ZNF354B: variants seen among roughly 807,000 people sequenced by gnomAD.
ZNF354B encodes zinc finger protein 354B.
In ZNF354B, 10 loss-of-function variants were observed where a neutral mutation model predicts 12.9. That is an observed-to-expected ratio of 0.77 (90% confidence interval 0.48 to 1.31). The LOEUF is 1.31. Among genes scored for constraint, ZNF354B ranks in the 40% most tolerant of loss-of-function variants. The probability of loss-of-function intolerance (pLI) is 0.00; values close to 1 mark genes in which losing one functional copy is unlikely to be tolerated. For missense variants in ZNF354B, 614 were observed against 711.7 expected (o/e 0.86, Z 1.56); for synonymous variants, 260 against 243.7 (o/e 1.07, Z -0.62).
chr5:178,866,999 G>A lies in ZNF354B; in HGVS notation c.184G>A (p.Val62Ile). ...AGGACTCTCATTTACCAAACCAAAA[G>A]TCATCTCCCTGTTGCAGCAAGGAGA... ...SLGLSFTKPKVISLLQQGEDP... is the reference protein window; with the variant it reads ...SLGLSFTKPKIISLLQQGEDP... The change falls in exon 4 of 5, where the codon GTC becomes ATC. Residue 62 changes from valine to isoleucine, a missense_variant. Transcript: ENST00000322434. 1 of 1,614,046 alleles carries A rather than the reference G, an allele frequency of 6.2e-7. No homozygotes were observed.
chr5:178,883,165 G>T lies in ZNF354B; in HGVS notation c.713G>T (p.Gly238Val). Residue 238 changes from glycine to valine, a missense_variant, in exon 5 of 5, where the codon GGA becomes GTA. Physicochemically the swap from Gly to Val is moderately radical, Grantham distance 109 (BLOSUM62 -3). Coordinates refer to ENST00000322434, the MANE Select transcript of ZNF354B (RefSeq NM_058230.3). ...CGTAAACATCAGAAAAACCACACTGGAGAAAAATTATTTAAATGTAAAGAA... is the reference window on the plus strand; with the variant it reads ...CGTAAACATCAGAAAAACCACACTGTAGAAAAATTATTTAAATGTAAAGAA... The part of the protein sequence containing the change: ...SLRKHQKNHT[G>V]EKLFKCKECL... 6.2e-7 allele frequency: 1 copy of T among 1,613,498 alleles called. No individual in the cohort carries two copies. The highest frequency in any genetic ancestry group is 8.5e-7 in the Non-Finnish European group (1 of 1,179,864).
chr5:178,866,402 C>CA (rs1561666532), intron 3 of ZNF354B, 32 bp downstream of exon 3: 2 of 1,592,844 alleles, frequency 1.3e-6, no homozygotes, highest in South Asian at 2.3e-5. Flanking sequence ...AAACAGAATT[C>CA]AAAAATTGGG....
rs183397280 is a variant in ZNF354B at position 178,878,247 on chromosome 5, G to T, written c.257-4462G>T. On this transcript the variant is annotated intron_variant, in intron 4 of 4. Coordinates refer to ENST00000322434, the MANE Select transcript of ZNF354B (RefSeq NM_058230.3). ...AAATACAAAAAATTAGCCAGGCGTA[G>T]TGGCGGGCGCCTGTAGTCTCAGCTA... Among the ~76,000 whole-genome samples, 342 of 152,066 alleles carry T rather than the reference G, an allele frequency of 2.2e-3. 1 individual carries two copies. The highest frequency in any genetic ancestry group is 8.0e-3 in the African/African-American group (334 of 41,558).
chr5:178,877,107 G>T (rs141386850), intron 4 of ZNF354B, among the ~76,000 whole-genome samples: 413 of 152,100 alleles, frequency 2.7e-3, no homozygotes, highest in African/African-American at 9.5e-3. Context: ...CTGAGCCCAC[G>T]TCTTTCCCTG....
At chr5:178,870,735 A>G (rs1757549853) in intron 4 of ZNF354B, among the ~76,000 whole-genome samples, 1 of 152,208 alleles carries the variant, frequency 6.6e-6, no homozygotes, top group Admixed American at 6.5e-5. Context: ...GGGGCTTAGC[A>G]ACAGCCCTGA....
At chr5:178,866,865 C>A in intron 3 of ZNF354B, 111 bp from the exon 4 acceptor site, 2 of 965,706 alleles carry the variant, frequency 2.1e-6, no homozygotes, top group Non-Finnish European at 1.6e-6. Context: ...TTACATCATA[C>A]ATGCAACATT....
At chr5:178,882,359 A>G (rs540423017) in intron 4 of ZNF354B, among the ~76,000 whole-genome samples, 3 of 152,204 alleles carry the variant, frequency 2.0e-5, no homozygotes, top group Non-Finnish European at 2.9e-5. Flanking sequence ...GAGGGAAGAC[A>G]TTCAGGAGTA....
At position 178,862,602 on chromosome 5, in the gene ZNF354B, T is replaced by A. The variant is rs542855642; in HGVS notation, c.33+1522T>A. Among the ~76,000 whole-genome samples, 4 of 152,228 alleles carry A rather than the reference T, an allele frequency of 2.6e-5. No homozygotes were observed. The South Asian group carries it at 8.3e-4, about 32-fold the overall frequency. ...CCAGGATGGCCTCAATCTCCTGACC[T>A]CGTGATCCACCAGCCACAGCCTCCC... On this transcript the variant is annotated intron_variant, in intron 2 of 4. Transcript: ENST00000322434.
At chr5:178,862,558 CG>C (rs1435069133) in intron 2 of ZNF354B, among the ~76,000 whole-genome samples, 6 of 151,906 alleles carry the variant, frequency 3.9e-5, no homozygotes, top group Non-Finnish European at 7.4e-5. Context: ...TTAGTAGAGA[CG>C]GGGTTTCACC....
intron 4 of ZNF354B, among the ~76,000 whole-genome samples, chr5:178,871,965 T>C (rs2114016793): frequency 6.6e-6 from 1 of 152,358 alleles, no homozygotes; most frequent in African/African-American, 2.4e-5. Context: ...TGAGAAGTAG[T>C]ATAGAAAGAT....
intron 2 of ZNF354B, among the ~76,000 whole-genome samples, chr5:178,862,060 A>T (rs75162085): frequency 0.1 from 15,394 of 152,168 alleles, 812 homozygotes; most frequent in Non-Finnish European, 0.12. Context: ...GACCCAGACG[A>T]TGTTATCCTT....
rs1268521380 is a variant in ZNF354B, at chr5:178,860,084, G to A, written c.-95G>A. On this transcript the variant is annotated 5_prime_UTR_variant, in exon 1 of 5. In the 5' UTR this introduces an upstream ATG that the reference lacks. Transcript: ENST00000322434. ...GAGGCTGGAGCTTCCTGCTTGCAGA[G>A]TGCGGCGGGGAGGCGCGGCCCGGGA... 1.3e-5 allele frequency: 2 copies of A among 152,562 alleles called. No individual in the cohort carries two copies. The highest frequency in any genetic ancestry group is 2.9e-5 in the Non-Finnish European group (2 of 68,328). 9.5% of individuals were successfully genotyped at this position (152,562 alleles called of 1,614,324 possible).
Position 178,884,151 on chromosome 5 carries a change from G to A in ZNF354B, c.1699G>A (p.Ala567Thr). ...TTTTAGACAAAGCTCATCACTTATT[G>A]CACATCAAAGAATTCATACTGGAGA... is the stretch of plus-strand genomic sequence containing the variant. ...KTFRQSSSLI[A>T]HQRIHTGEKP... The change falls in exon 5 of 5, where the codon GCA (alanine) becomes ACA (threonine). Residue 567 changes from alanine (A) to threonine (T), a missense_variant. Transcript: ENST00000322434. 6.2e-7 allele frequency: 1 copy of A among 1,613,768 alleles called. No individual in the cohort carries two copies. The highest frequency in any genetic ancestry group is 1.1e-5 in the South Asian group (1 of 91,050).
At position 178,884,517 on chromosome 5, in the gene ZNF354B, AG is replaced by A; in HGVS notation, c.*228del. The A allele has an allele frequency of 2.4e-6, 1 of 421,154 alleles. No individual in the cohort carries two copies. The allele number at this position is 421,154 out of a possible 1,614,324, so 26.1% of individuals were successfully genotyped here. ...TGAAATTGGCCATTTGTAAGATAAA[AG>A]GTATGTTTATAAAATCTCTTTATAT... On this transcript the variant is annotated 3_prime_UTR_variant, in exon 5 of 5. Coordinates refer to ENST00000322434, the MANE Select transcript of ZNF354B (RefSeq NM_058230.3).
chr5:178,872,934 A>G (rs1383939209), intron 4 of ZNF354B, among the ~76,000 whole-genome samples: 1 of 151,942 alleles, frequency 6.6e-6, no homozygotes, highest in Admixed American at 6.6e-5. Context: ...TTACAGGTGC[A>G]TGCCACCACA....
At chr5:178,881,668 G>GT in intron 4 of ZNF354B, among the ~76,000 whole-genome samples, 1 of 152,098 alleles carries the variant, frequency 6.6e-6, no homozygotes, top group South Asian at 2.1e-4. Flanking sequence ...TCTCTGGACT[G>GT]TTTTTTTGAG....
At chr5:178,864,962 A>T (rs969239196) in intron 2 of ZNF354B, among the ~76,000 whole-genome samples, 6 of 152,210 alleles carry the variant, frequency 3.9e-5, no homozygotes, top group East Asian at 1.9e-4. Flanking sequence ...CGAAACAGTG[A>T]TATATAACCT....
intron 4 of ZNF354B, among the ~76,000 whole-genome samples, chr5:178,870,950 G>A (rs757394679): frequency 4.6e-5 from 7 of 152,204 alleles, no homozygotes; most frequent in Admixed American, 6.5e-5. Context: ...CTGAACCACC[G>A]CACCTACCCA....
chr5:178,866,242 A>G lies in ZNF354B; in HGVS notation c.34-2A>G. On this transcript the variant is annotated splice_acceptor_variant, in intron 2 of 4. Transcript: ENST00000322434. LOFTEE classifies it high-confidence loss of function. The stretch of plus-strand genomic sequence containing the variant: ...GTGAGCTGGAACGACTTGTCCTTAC[A>G]GGTGTCACTGACATTCGAGGACGTG... 6.2e-7 allele frequency: 1 copy of G among 1,613,990 alleles called. No homozygotes were observed. The highest frequency in any genetic ancestry group is 1.3e-5 in the African/African-American group (1 of 75,042).
Sources: gnomAD v4.1 joint callset for allele counts (sites outside exome capture counted in the v4.1 genomes callset) on GRCh38, gnomAD v4.1.1 for gene constraint, MANE v1.5 for transcripts, NCBI Gene and HGNC (gene_info 2026-07-23, HGNC 2026-07-21) for gene names.